Variants in COL22A1 observed in about 807,000 individuals in gnomAD.
COL22A1 encodes collagen alpha-1(XXII) chain.
COL22A1 carries 221 observed loss-of-function variants against 248.9 expected under a neutral mutation model. That is an observed-to-expected ratio of 0.89 (90% CI 0.80 to 0.99). The LOEUF (loss-of-function observed/expected upper bound fraction) is 0.99, where lower values mean the gene tolerates loss of function less well. COL22A1 is among the 50% of genes least tolerant of loss of function. The probability of loss-of-function intolerance (pLI) is 0.00; values close to 1 mark genes in which losing one functional copy is unlikely to be tolerated. For synonymous variants in COL22A1, 891 were observed against 793.4 expected (o/e 1.12, Z -2.07); for missense variants, 2,240 against 2,179.0 (o/e 1.03, Z -0.56).
intron 41 of COL22A1, among the ~76,000 whole-genome samples, chr8:138,667,252 C>T (rs1425635477): frequency 6.6e-6 from 1 of 152,158 alleles, no homozygotes; most frequent in East Asian, 1.9e-4. Context: ...CAGATTTGGG[C>T]CTTTGATACC....
chr8:138,745,943 G>A (rs1465540655), intron 22 of COL22A1, among the ~76,000 whole-genome samples: 1 of 152,204 alleles, frequency 6.6e-6, no homozygotes, highest in Non-Finnish European at 1.5e-5. Context: ...CTTGGAAAGA[G>A]AAATGCAGTC....
chr8:138,780,905 G>A, intron 13 of COL22A1, 22 bp downstream of exon 13: 1 of 1,605,618 alleles, frequency 6.2e-7, no homozygotes, highest in Non-Finnish European at 8.5e-7. Flanking sequence ...TTGTGAGCCA[G>A]GGCAGACGGA....
intron 30 of COL22A1, among the ~76,000 whole-genome samples, chr8:138,714,970 C>A (rs764769579): frequency 1.3e-5 from 2 of 152,104 alleles, no homozygotes; most frequent in Non-Finnish European, 2.9e-5. Flanking sequence ...CTGGGCTAAT[C>A]ATGTCTATTA....
chr8:138,848,224 G>C (rs370791585), intron 3 of COL22A1, among the ~76,000 whole-genome samples: 1 of 152,178 alleles, frequency 6.6e-6, no homozygotes. Flanking sequence ...TAATGACAAA[G>C]ACACTGCTTC....
At chr8:138,706,231 G>C (rs1028004260) in intron 30 of COL22A1, among the ~76,000 whole-genome samples, 1 of 152,096 alleles carries the variant, frequency 6.6e-6, no homozygotes, top group Non-Finnish European at 1.5e-5. Flanking sequence ...AGATCAACAA[G>C]ACAGAAAGTT....
intron 13 of COL22A1, 69 bp downstream of exon 13, chr8:138,780,858 G>T (rs556052213): frequency 7.5e-7 from 1 of 1,327,062 alleles, no homozygotes; most frequent in Non-Finnish European, 1.1e-6. Context: ...TTAAGGACAC[G>T]GGGTTCTGAC....
At chr8:138,684,564 A>G (rs1826199662) in intron 38 of COL22A1, 95 bp from the exon 39 acceptor site, 1 of 874,196 alleles carries the variant, frequency 1.1e-6, no homozygotes, top group Admixed American at 1.8e-5. Flanking sequence ...TCTGCTGGGG[A>G]CCCAGAGATG....
Position 138,589,347 on chromosome 8 carries a change from G to C in COL22A1, c.4787C>G (p.Pro1596Arg). 1 of 1,611,744 alleles carries C rather than the reference G, an allele frequency of 6.2e-7. No homozygotes were observed. The highest frequency in any genetic ancestry group is 8.5e-7 in the Non-Finnish European group (1 of 1,178,896). Reference sequence around the variant, plus strand: ...TTGGCCTGGGGGACCGGGAGGTCCTGGGAGGCCAGGATGTCCAGCTGGTCC... The same window carrying C: ...TTGGCCTGGGGGACCGGGAGGTCCTCGGAGGCCAGGATGTCCAGCTGGTCC... ...ETGPAGHPGL[P>R]GPPGPPGQCD... Residue 1596 changes from proline (P) to arginine (R), a missense_variant, in exon 65 of 65, where the codon CCA becomes CGA. Coordinates refer to ENST00000303045, the MANE Select transcript of COL22A1 (RefSeq NM_152888.3).
chr8:138,604,001 C>A (rs1818238190), intron 59 of COL22A1, among the ~76,000 whole-genome samples: 2 of 152,162 alleles, frequency 1.3e-5, no homozygotes, highest in African/African-American at 4.8e-5. Context: ...CAGAACAGAG[C>A]AGGGTGCTAA....
At chr8:138,781,701 A>G (rs1046775670) in intron 12 of COL22A1, among the ~76,000 whole-genome samples, 17 of 152,144 alleles carry the variant, frequency 1.1e-4, no homozygotes, top group African/African-American at 3.6e-4. Flanking sequence ...GGGAATTTTG[A>G]AACAGGTAAC....
At chr8:138,830,392 T>C (rs1002516580) in intron 5 of COL22A1, among the ~76,000 whole-genome samples, 2 of 152,272 alleles carry the variant, frequency 1.3e-5, no homozygotes, top group African/African-American at 2.4e-5. Context: ...CTTTTCTTTA[T>C]GAACAAAATT....
intron 37 of COL22A1, among the ~76,000 whole-genome samples, chr8:138,688,053 G>C (rs530391887): frequency 6.6e-6 from 1 of 152,174 alleles, no homozygotes; most frequent in Non-Finnish European, 1.5e-5. Flanking sequence ...AAATGAGTAC[G>C]TCTGATTTCC....
intron 47 of COL22A1, among the ~76,000 whole-genome samples, chr8:138,639,380 T>G (rs148613150): frequency 1.3e-5 from 2 of 152,364 alleles, no homozygotes; most frequent in East Asian, 3.9e-4. Flanking sequence ...TTTCAAGATG[T>G]CAAGTGCACT....
intron 60 of COL22A1, among the ~76,000 whole-genome samples, chr8:138,601,179 A>G (rs1007900203): frequency 1.1e-4 from 16 of 151,016 alleles, no homozygotes; most frequent in Non-Finnish European, 1.6e-4. Flanking sequence ...CTCGGGGGGG[A>G]ACATCAACGC....
intron 55 of COL22A1, 102 bp from the exon 56 acceptor site, chr8:138,614,022 G>C: frequency 1.1e-6 from 1 of 870,712 alleles, no homozygotes; most frequent in Non-Finnish European, 1.9e-6. Flanking sequence ...GTTACCCAAA[G>C]GAACCAACAA....
At position 138,823,486 on chromosome 8, in the gene COL22A1, A is replaced by C. The variant is rs532397706; in HGVS notation, c.970-2075T>G. ...CAGAGGAGTGATTCAGCTCACTGCA[A>C]CCTCAACCTCCCAGGTTCAAGCAAT... is the stretch of plus-strand genomic sequence containing the variant. On this transcript the variant is annotated intron_variant, in intron 6 of 64. Coordinates refer to ENST00000303045, the MANE Select transcript of COL22A1 (RefSeq NM_152888.3). Among the ~76,000 whole-genome samples, 7 of 152,278 alleles carry C rather than the reference A, an allele frequency of 4.6e-5. No homozygotes were observed. In the East Asian group the frequency reaches 7.7e-4, roughly 17 times the overall value.
At chr8:138,615,676 G>A (rs1014994128) in intron 55 of COL22A1, among the ~76,000 whole-genome samples, 3 of 152,124 alleles carry the variant, frequency 2.0e-5, no homozygotes, top group African/African-American at 7.2e-5. Flanking sequence ...GCACTGCAGA[G>A]CCTGAGAGAA....
At chr8:138,883,475 T>TTGCAG (rs1226590299) in intron 1 of COL22A1, among the ~76,000 whole-genome samples, 1 of 152,196 alleles carries the variant, frequency 6.6e-6, no homozygotes, top group Non-Finnish European at 1.5e-5. Context: ...GCAGATGGGC[T>TTGCAG]TGCAGAAGGG....
Position 138,616,896 on chromosome 8 carries a change from A to G in COL22A1, c.3870+18T>C. ...TCTGCCCACCTGGGGGGACCTCCAA[A>G]GTGAGGCGCCCACTTACCCGGGGAC... On this transcript the variant is annotated intron_variant, in intron 54 of 64. Coordinates refer to ENST00000303045, the MANE Select transcript of COL22A1 (RefSeq NM_152888.3). 1 of 1,614,018 alleles carries G rather than the reference A, an allele frequency of 6.2e-7. No individual in the cohort carries two copies. The highest frequency in any genetic ancestry group is 8.5e-7 in the Non-Finnish European group (1 of 1,180,012).
Sources: gnomAD v4.1 joint callset for allele counts (sites outside exome capture counted in the v4.1 genomes callset) on GRCh38, gnomAD v4.1.1 for gene constraint, MANE v1.5 for transcripts, NCBI Gene and HGNC (gene_info 2026-07-23, HGNC 2026-07-21) for gene names.